Variants in CSMD1 observed in about 807,000 individuals in gnomAD.
CSMD1 encodes CUB and sushi domain-containing protein 1.
CSMD1 carries 213 observed loss-of-function variants against 417.5 expected under a neutral mutation model. The ratio of observed to expected loss-of-function variants is 0.51; its 90% CI spans 0.46 to 0.57. The LOEUF is 0.57. Ranked by LOEUF, CSMD1 falls within the 20% of genes least tolerant of loss-of-function variation. CSMD1 has a pLI of 0.00. For missense variants in CSMD1, 6,923 were observed against 4,529.7 expected, an observed-to-expected ratio of 1.53 and a Z score of -15.17; for synonymous variants, 2,862 against 1,736.8, an observed-to-expected ratio of 1.65 and a Z score of -16.11.
intron 26 of CSMD1, among the ~76,000 whole-genome samples, chr8:3,242,139 C>A (rs1278436391): frequency 2.0e-5 from 3 of 151,640 alleles, no homozygotes; most frequent in African/African-American, 4.8e-5. Flanking sequence ...GCTCCAGCCA[C>A]CTTTTAAGAG....
intron 2 of CSMD1, among the ~76,000 whole-genome samples, chr8:4,520,820 A>T (rs1381984986): frequency 6.6e-6 from 1 of 152,218 alleles, no homozygotes. Context: ...GTGCCCTGTA[A>T]GTATAACGTA....
intron 12 of CSMD1, among the ~76,000 whole-genome samples, chr8:3,436,129 C>A (rs1294089553): frequency 6.6e-6 from 1 of 152,122 alleles, no homozygotes; most frequent in Non-Finnish European, 1.5e-5. Flanking sequence ...TCTGACCATT[C>A]CCCTACATTT....
At chr8:4,333,061 G>A (rs1377130440) in intron 3 of CSMD1, among the ~76,000 whole-genome samples, 1 of 151,972 alleles carries the variant, frequency 6.6e-6, no homozygotes, top group Non-Finnish European at 1.5e-5. Flanking sequence ...TGTCAAGAGC[G>A]TTTCATAGAA....
At chr8:4,488,875 C>T (rs62479709) in intron 2 of CSMD1, among the ~76,000 whole-genome samples, 1,923 of 152,286 alleles carry the variant, frequency 0.013, 20 homozygotes, top group Admixed American at 0.018. Context: ...CGACAGAAAT[C>T]CTTTCCTGCA....
chr8:4,376,124 T>C (rs1305586278), intron 3 of CSMD1, among the ~76,000 whole-genome samples: 3 of 152,218 alleles, frequency 2.0e-5, no homozygotes, highest in South Asian at 4.1e-4. Flanking sequence ...TCAAAAGATA[T>C]GGAAATGCAC....
chr8:4,508,772 C>T (rs1802666051), intron 2 of CSMD1, among the ~76,000 whole-genome samples: 1 of 152,014 alleles, frequency 6.6e-6, no homozygotes, highest in Non-Finnish European at 1.5e-5. Flanking sequence ...TAAATTATTT[C>T]AGTGGAATGT....
At chr8:4,000,607 C>T (rs536437756) in intron 4 of CSMD1, among the ~76,000 whole-genome samples, 6 of 152,210 alleles carry the variant, frequency 3.9e-5, no homozygotes, top group African/African-American at 1.4e-4. Flanking sequence ...TAAATATCTC[C>T]TTCATAAAGG....
At chr8:4,582,377 G>C (rs552450450) in intron 2 of CSMD1, among the ~76,000 whole-genome samples, 1 of 152,186 alleles carries the variant, frequency 6.6e-6, no homozygotes, top group African/African-American at 2.4e-5. Flanking sequence ...TAATTGTTTT[G>C]AGGACAAAGG....
chr8:4,852,084 C>T (rs1434826218), intron 1 of CSMD1, among the ~76,000 whole-genome samples: 15 of 152,202 alleles, frequency 9.9e-5, no homozygotes, highest in Admixed American at 8.5e-4. Flanking sequence ...GATTCCCTCT[C>T]TCTTTATATC....
chr8:3,308,452 C>T lies in CSMD1; in HGVS notation c.3683G>A (p.Arg1228Lys), dbSNP rs199914341. The part of the protein sequence containing the change: ...EDPGIPNYGY[R>K]IRDEGHFTDT... ...GGTAAAGTGGCCTTCATCACGGATC[C>T]TATAGCCGTAGTTAGGGATGCCCGG... Residue 1228 changes from arginine (R) to lysine (K), a missense_variant, in exon 24 of 70, where the codon AGG (arginine) becomes AAG (lysine). Physicochemically the swap from Arg to Lys is conservative, Grantham distance 26. Coordinates refer to ENST00000635120, the MANE Select transcript of CSMD1 (RefSeq NM_033225.6). 3.7e-6 allele frequency: 6 copies of T among 1,613,698 alleles called. No individual in the cohort carries two copies. In the East Asian group the frequency reaches 1.1e-4, roughly 30 times the overall value.
intron 26 of CSMD1, among the ~76,000 whole-genome samples, chr8:3,242,798 G>T (rs1799629224): frequency 3.0e-5 from 1 of 33,366 alleles, no homozygotes; most frequent in Admixed American, 3.8e-4. Flanking sequence ...AGCGGGAAAG[G>T]GGTTGGGGCG....
intron 5 of CSMD1, among the ~76,000 whole-genome samples, chr8:3,974,377 A>G (rs1444522100): frequency 1.3e-5 from 2 of 152,050 alleles, no homozygotes; most frequent in Non-Finnish European, 2.9e-5. Context: ...CAGCTTTTAA[A>G]AGAAGGAGGA....
At chr8:4,191,547 A>C (rs567885167) in intron 3 of CSMD1, among the ~76,000 whole-genome samples, 1 of 152,192 alleles carries the variant, frequency 6.6e-6, no homozygotes, top group African/African-American at 2.4e-5. Context: ...CATCTGAACT[A>C]CAACTGAAAA....
intron 1 of CSMD1, among the ~76,000 whole-genome samples, chr8:4,726,616 A>G (rs1809472824): frequency 6.6e-6 from 1 of 152,192 alleles, no homozygotes; most frequent in African/African-American, 2.4e-5. Flanking sequence ...TGCAAAAGAT[A>G]GAAACCCTGA....
chr8:3,292,491 C>A (rs1426287361), intron 25 of CSMD1, among the ~76,000 whole-genome samples: 1 of 152,136 alleles, frequency 6.6e-6, no homozygotes, highest in Non-Finnish European at 1.5e-5. Context: ...TAAGGACTTG[C>A]TTCAAGAATC....
Position 4,620,558 on chromosome 8 carries a change from G to A in CSMD1, c.302+16784C>T, listed in dbSNP as rs575992242. On this transcript the variant is annotated intron_variant, in intron 2 of 69. Transcript: ENST00000635120. ...ATCTAAAGAATAAAAATTGCACAGA[G>A]TATATTTTTTAACTGCAGTAGAATT... Among the ~76,000 whole-genome samples, 8 of 151,780 alleles carry A rather than the reference G, an allele frequency of 5.3e-5. No homozygotes were observed. In the South Asian group the frequency reaches 1.0e-3, roughly 20 times the overall value.
At chr8:4,005,696 C>G (rs529926390) in intron 4 of CSMD1, among the ~76,000 whole-genome samples, 15 of 152,318 alleles carry the variant, frequency 9.8e-5, no homozygotes, top group African/African-American at 3.6e-4. Flanking sequence ...AACAGAAGAA[C>G]TTTCAAGACT....
intron 2 of CSMD1, among the ~76,000 whole-genome samples, chr8:4,421,200 A>G (rs1395357847): frequency 6.6e-6 from 1 of 152,204 alleles, no homozygotes; most frequent in Non-Finnish European, 1.5e-5. Flanking sequence ...AGCGAACGCA[A>G]TACAGAAGAC....
intron 1 of CSMD1, among the ~76,000 whole-genome samples, chr8:4,897,752 C>T (rs1273937201): frequency 6.6e-6 from 1 of 152,062 alleles, no homozygotes; most frequent in Non-Finnish European, 1.5e-5. Context: ...TCAACTGTTA[C>T]TGCATTATGT....
Sources: allele counts gnomAD v4.1 joint callset (sites outside exome capture counted in the v4.1 genomes callset), GRCh38; gene constraint gnomAD v4.1.1; transcripts MANE v1.5; gene names NCBI Gene and HGNC (gene_info 2026-07-23, HGNC 2026-07-21).